The following SPIRE1 variants were observed in gnomAD, a reference collection of about 807,000 sequenced individuals.
The protein encoded by SPIRE1 is protein spire homolog 1.
Under a neutral mutation model 94.1 loss-of-function variants are expected in SPIRE1, and 40 were observed. The ratio of observed to expected loss-of-function variants is 0.43; its 90% CI spans 0.33 to 0.55. The LOEUF (loss-of-function observed/expected upper bound fraction) is 0.55, where lower values mean the gene tolerates loss of function less well. Ranked by LOEUF, SPIRE1 falls within the 20% of genes least tolerant of loss-of-function variation. The pLI is 0.06. For synonymous variants in SPIRE1, 376 were observed against 371.7 expected (o/e 1.01, Z -0.13); for missense variants, 838 against 975.2 (o/e 0.86, Z 1.87).
intron 10 of SPIRE1, among the ~76,000 whole-genome samples, chr18:12,468,591 A>G (rs1212405336): frequency 6.6e-6 from 1 of 152,194 alleles, no homozygotes; most frequent in Admixed American, 6.5e-5. Context: ...TGAAGAAGCA[A>G]AGCAACTTAA....
intron 1 of SPIRE1, among the ~76,000 whole-genome samples, chr18:12,646,110 C>T (rs772349005): frequency 2.0e-5 from 3 of 152,168 alleles, no homozygotes; most frequent in Non-Finnish European, 4.4e-5. Flanking sequence ...CAACGCCACA[C>T]TTGCCATCCA....
intron 1 of SPIRE1, among the ~76,000 whole-genome samples, chr18:12,652,495 T>C (rs2038407658): frequency 6.6e-6 from 1 of 151,984 alleles, no homozygotes; most frequent in Non-Finnish European, 1.5e-5. Flanking sequence ...ACAGAAATAC[T>C]TCTTAACCAT....
chr18:12,617,938 A>G (rs1033382949), intron 2 of SPIRE1, among the ~76,000 whole-genome samples: 6 of 152,170 alleles, frequency 3.9e-5, no homozygotes, highest in African/African-American at 1.4e-4. Context: ...TGCTTAGTAC[A>G]GGGTCTATAA....
At chr18:12,637,948 G>A (rs1347257807) in intron 1 of SPIRE1, among the ~76,000 whole-genome samples, 1 of 152,188 alleles carries the variant, frequency 6.6e-6, no homozygotes, top group Admixed American at 6.5e-5. Context: ...GAATTCAACA[G>A]CTCTTGGTCA....
chr18:12,533,642 C>G lies in SPIRE1; in HGVS notation c.729+1834G>C, dbSNP rs183951708. Among the ~76,000 whole-genome samples the G allele has an allele frequency of 6.6e-5, 10 of 152,180 alleles. No homozygotes were observed. In the East Asian group the frequency reaches 1.9e-3, roughly 29 times the overall value. ...GCCAGTGTTGGAAGGACTTTAAGAG[C>G]TCATTTAATTTCCTCTATTAACAAA... On this transcript the variant is annotated intron_variant, in intron 4 of 16. Transcript: ENST00000409402.
intron 2 of SPIRE1, among the ~76,000 whole-genome samples, chr18:12,613,175 C>G (rs1251398401): frequency 2.6e-5 from 4 of 152,162 alleles, no homozygotes; most frequent in Admixed American, 2.6e-4. Flanking sequence ...AAAGTCTTGT[C>G]TTCAGTTGGT....
chr18:12,615,283 G>GA (rs2037253829), intron 2 of SPIRE1, among the ~76,000 whole-genome samples: 1 of 107,692 alleles, frequency 9.3e-6, no homozygotes, highest in Non-Finnish European at 1.8e-5. Context: ...AGCCGAGATT[G>GA]GCCATTGCAC....
intron 10 of SPIRE1, among the ~76,000 whole-genome samples, chr18:12,479,077 G>A (rs1378973161): frequency 6.6e-6 from 1 of 151,698 alleles, no homozygotes; most frequent in Non-Finnish European, 1.5e-5. Flanking sequence ...GGTAATATAA[G>A]CTGGAAAACT....
intron 2 of SPIRE1, among the ~76,000 whole-genome samples, chr18:12,547,507 C>A (rs1333266795): frequency 6.6e-6 from 1 of 152,190 alleles, no homozygotes; most frequent in Non-Finnish European, 1.5e-5. Flanking sequence ...ACCACCTCGA[C>A]AACTGCTCCA....
At chr18:12,548,792 T>C (rs2035248906) in intron 2 of SPIRE1, among the ~76,000 whole-genome samples, 1 of 152,058 alleles carries the variant, frequency 6.6e-6, no homozygotes, top group Non-Finnish European at 1.5e-5. Flanking sequence ...TTTTTTGGAA[T>C]TTTTTAGAAA....
chr18:12,614,400 C>G (rs1384685322), intron 2 of SPIRE1, among the ~76,000 whole-genome samples: 1 of 152,206 alleles, frequency 6.6e-6, no homozygotes, highest in Non-Finnish European at 1.5e-5. Flanking sequence ...CCAGACAGTG[C>G]AGCTCTAGAT....
chr18:12,464,736 C>T (rs1568186394), intron 11 of SPIRE1, 132 bp downstream of exon 11: 12 of 675,656 alleles, frequency 1.8e-5, no homozygotes, highest in East Asian at 8.1e-5. Flanking sequence ...TTTCATCTCC[C>T]GATCAGTGAA....
chr18:12,658,475 C>G (rs896755048), upstream of SPIRE1: 11 of 444,542 alleles, frequency 2.5e-5, no homozygotes, highest in African/African-American at 2.2e-4. Context: ...TCGCATTTAT[C>G]AGGGAAGTCC....
chr18:12,538,220 T>C (rs1388296975), intron 3 of SPIRE1, among the ~76,000 whole-genome samples: 1 of 152,188 alleles, frequency 6.6e-6, no homozygotes, highest in Non-Finnish European at 1.5e-5. Flanking sequence ...AATAATGTTC[T>C]TAAAGTACTT....
intron 16 of SPIRE1, among the ~76,000 whole-genome samples, chr18:12,451,839 C>A (rs188274338): frequency 1.3e-5 from 2 of 152,236 alleles, no homozygotes; most frequent in South Asian, 2.1e-4. Flanking sequence ...TCTGCCTTTA[C>A]AATAATAGTA....
intron 10 of SPIRE1, among the ~76,000 whole-genome samples, chr18:12,478,051 G>T (rs1192408584): frequency 6.6e-6 from 1 of 152,040 alleles, no homozygotes; most frequent in Non-Finnish European, 1.5e-5. Context: ...GAGACCAACT[G>T]ACGTTAGTAA....
intron 2 of SPIRE1, among the ~76,000 whole-genome samples, chr18:12,595,046 T>A (rs2036632444): frequency 6.6e-6 from 1 of 152,112 alleles, no homozygotes; most frequent in Non-Finnish European, 1.5e-5. Flanking sequence ...GGGAGGCCAA[T>A]GCGGGATAAC....
chr18:12,533,704 T>A (rs567788650), intron 4 of SPIRE1, among the ~76,000 whole-genome samples: 1 of 152,312 alleles, frequency 6.6e-6, no homozygotes, highest in Non-Finnish European at 1.5e-5. Flanking sequence ...AACCAGGCAC[T>A]GTGCTTTATA....
intron 2 of SPIRE1, among the ~76,000 whole-genome samples, chr18:12,606,094 A>G (rs1041564202): frequency 3.3e-5 from 5 of 152,176 alleles, no homozygotes; most frequent in African/African-American, 1.2e-4. Context: ...ATGGAATTGA[A>G]GTGAACCCTC....
Sources: allele counts gnomAD v4.1 joint callset (sites outside exome capture counted in the v4.1 genomes callset), GRCh38; gene constraint gnomAD v4.1.1; transcripts MANE v1.5; gene names NCBI Gene and HGNC (gene_info 2026-07-23, HGNC 2026-07-21).